Variants in HEXA observed in about 807,000 individuals in gnomAD.
The protein encoded by HEXA is beta-hexosaminidase subunit alpha.
Under a neutral mutation model 73.3 loss-of-function variants are expected in HEXA, and 54 were observed. The observed-to-expected ratio is 0.74, with a 90% CI of 0.59 to 0.92. HEXA has a LOEUF of 0.92. Ranked by LOEUF, HEXA falls within the 40% of genes least tolerant of loss-of-function variation. HEXA has a pLI of 0.00. For synonymous variants in HEXA, 230 were observed against 246.9 expected (o/e 0.93, Z 0.64); for missense variants, 649 against 653.0 (o/e 0.99, Z 0.07).
rs2088616185 is a variant in HEXA, at chr15:72,346,530, C to T, written c.1327G>A (p.Glu443Lys). ...AAGGAGAGCTCTCTGCTTTCACCTT[C>T]AAATGCCAGGGGTTCCACTATGTAG... Reference protein sequence around the residue: ...DFYIVEPLAFEGTPEQKALVI... With the variant: ...DFYIVEPLAFKGTPEQKALVI... Residue 443 changes from glutamate (E) to lysine (K), a missense_variant, in exon 11 of 14, where the codon GAA becomes AAA. Physicochemically the swap from Glu to Lys is moderately conservative, Grantham distance 56 (BLOSUM62 1). Coordinates refer to ENST00000268097, the MANE Select transcript of HEXA (RefSeq NM_000520.6). The T allele has an allele frequency of 6.2e-7, 1 of 1,613,784 alleles. No homozygotes were observed. Among genetic ancestry groups the T allele is most frequent in the Non-Finnish European group, 8.5e-7 (1 of 1,179,858 alleles).
rs2088689778 is a variant in HEXA, at chr15:72,351,160, G to A, written c.645C>T (p.Ser215=). The A allele has an allele frequency of 6.2e-7, 1 of 1,610,720 alleles. No homozygotes were observed. Among genetic ancestry groups the A allele is most frequent in the African/African-American group, 1.3e-5 (1 of 74,850 alleles). The change falls in exon 6 of 14, where the codon AGC becomes AGT. Residue 215 remains serine, a synonymous_variant. Transcript: ENST00000268097. ...LVDDPSFPYE[S]FTFPELMRKG... ...TTCTCATGAGCTCTGGAAAAGTGAAGCTCTCATATGGGAAGGAAGGATCAT... is the reference window on the plus strand; with the variant it reads ...TTCTCATGAGCTCTGGAAAAGTGAAACTCTCATATGGGAAGGAAGGATCAT...
intron 1 of HEXA, among the ~76,000 whole-genome samples, chr15:72,365,235 G>A (rs145073598): frequency 5.3e-4 from 80 of 152,216 alleles, no homozygotes; most frequent in Admixed American, 5.1e-3. Context: ...GACCACAGGC[G>A]CACGCCACCG....
chr15:72,345,879 A>G (rs565647073), intron 12 of HEXA: 392 of 522,028 alleles, frequency 7.5e-4, no homozygotes, highest in African/African-American at 6.8e-3. Flanking sequence ...ACACCCAACC[A>G]TACTTGGTAA....
intron 1 of HEXA, among the ~76,000 whole-genome samples, chr15:72,368,132 G>C (rs2088941730): frequency 6.6e-6 from 1 of 152,234 alleles, no homozygotes. Flanking sequence ...GAGGAAGGAA[G>C]AAATGCTACT....
At chr15:72,374,944 C>A (rs1227235393) in intron 1 of HEXA, among the ~76,000 whole-genome samples, 1 of 152,210 alleles carries the variant, frequency 6.6e-6, no homozygotes, top group East Asian at 1.9e-4. Context: ...TCAAGCCCTT[C>A]TTCCTGCCTG....
intron 3 of HEXA, chr15:72,353,982 T>C (rs926469063): frequency 1.9e-5 from 11 of 588,528 alleles, no homozygotes; most frequent in Admixed American, 5.9e-5. Flanking sequence ...CCTTACAACA[T>C]ACTAACCTTC....
At chr15:72,371,449 T>C (rs919298382) in intron 1 of HEXA, among the ~76,000 whole-genome samples, 2 of 151,792 alleles carry the variant, frequency 1.3e-5, no homozygotes, top group Non-Finnish European at 2.9e-5. Flanking sequence ...TCTACAAAAA[T>C]TAGCTATGCA....
At chr15:72,355,651 A>C (rs1157182247) in intron 2 of HEXA, 27 bp from the exon 3 acceptor site, 1 of 1,514,704 alleles carries the variant, frequency 6.6e-7, no homozygotes, top group South Asian at 1.1e-5. Context: ...GAACTCATTT[A>C]GTTGGTTAAG....
chr15:72,355,937 G>C (rs896655825), intron 2 of HEXA: 13 of 498,534 alleles, frequency 2.6e-5, no homozygotes, highest in Non-Finnish European at 5.1e-5. Context: ...ACAGCAGAAA[G>C]ATGAAAGAAG....
At chr15:72,345,190 A>G in intron 13 of HEXA, 1 of 530,724 alleles carries the variant, frequency 1.9e-6, no homozygotes, top group Non-Finnish European at 3.2e-6. Context: ...AAATGATCTT[A>G]GATTACTTAT....
chr15:72,342,521 A>T lies in HEXA; in HGVS notation c.*1556T>A, dbSNP rs551001001. 2 of 152,276 alleles carry T rather than the reference A, an allele frequency of 1.3e-5. No homozygotes were observed. The highest frequency in any genetic ancestry group is 3.9e-4 in the East Asian group (2 of 5,182). 9.4% of individuals were successfully genotyped at this position (152,276 alleles called of 1,614,324 possible). A position where few individuals can be genotyped will look rare whatever the true frequency, so the allele number is the denominator to read the frequency against. ...ACCGCCAAGGAAATCCTCACCTAAA[A>T]TGGCTGCGATGCATTACTGCCCCCG... On this transcript the variant is annotated 3_prime_UTR_variant, in exon 14 of 14. Transcript: ENST00000268097.
chr15:72,375,968 G>C lies in HEXA; in HGVS notation c.5C>G (p.Thr2Arg). 3.1e-6 allele frequency: 5 copies of C among 1,613,582 alleles called. No homozygotes were observed. Among genetic ancestry groups the C allele is most frequent in the Non-Finnish European group, 4.2e-6 (5 of 1,180,016 alleles). ...CAGCGAAAACCAAAGCCTGGAGCTTGTCATGGCCCGCTGGTCTCCCCTCTC... is the reference window on the plus strand; with the variant it reads ...CAGCGAAAACCAAAGCCTGGAGCTTCTCATGGCCCGCTGGTCTCCCCTCTC... M[T>R]SSRLWFSLLL... The change falls in exon 1 of 14, where the codon ACA becomes AGA. Residue 2 changes from threonine to arginine, a missense_variant. By Grantham distance (71) the Thr-to-Arg change is moderately conservative (BLOSUM62 -1). Transcript: ENST00000268097.
At position 72,349,171 on chromosome 15, in the gene HEXA, A is replaced by G. The variant is rs1381838212; in HGVS notation, c.894T>C (p.Tyr298=). The G allele has an allele frequency of 1.2e-6, 2 of 1,612,760 alleles. No homozygotes were observed. Among genetic ancestry groups the G allele is most frequent in the Non-Finnish European group, 1.7e-6 (2 of 1,178,724 alleles). Reference sequence around the variant, plus strand: ...CTAAGAAGAATGTGCTCATGAACTCATAGGTATTATTGAGACTGGGATTCA... The same window carrying G: ...CTAAGAAGAATGTGCTCATGAACTCGTAGGTATTATTGAGACTGGGATTCA... The part of the protein sequence containing the change: ...GPVNPSLNNT[Y]EFMSTFFLEV... The change falls in exon 8 of 14, where the codon TAT becomes TAC. Residue 298 remains tyrosine, a synonymous_variant. Transcript: ENST00000268097.
intron 1 of HEXA, among the ~76,000 whole-genome samples, chr15:72,372,108 A>G (rs997220106): frequency 8.5e-5 from 13 of 152,264 alleles, no homozygotes; most frequent in African/African-American, 3.1e-4. Flanking sequence ...TGAGGTGGGC[A>G]GATCACATGA....
intron 8 of HEXA, 129 bp from the exon 9 acceptor site, chr15:72,348,263 A>C: frequency 1.4e-6 from 1 of 727,496 alleles, no homozygotes; most frequent in Middle Eastern, 2.3e-4. Context: ...GGATCTCAGA[A>C]GCCCTACATG....
intron 1 of HEXA, among the ~76,000 whole-genome samples, chr15:72,369,754 A>G (rs777298791): frequency 1.8e-4 from 28 of 152,194 alleles, no homozygotes; most frequent in African/African-American, 6.3e-4. Flanking sequence ...TTCCCTCTAT[A>G]TAACAACAGG....
At chr15:72,348,945 C>T (rs533423173) in intron 8 of HEXA, 134 bp downstream of exon 8, 1 of 772,970 alleles carries the variant, frequency 1.3e-6, no homozygotes, top group South Asian at 1.4e-5. Context: ...CAGAGGAAGG[C>T]CTAAGACCTG....
intron 1 of HEXA, chr15:72,370,043 A>C (rs1444432388): frequency 6.6e-6 from 1 of 151,558 alleles, no homozygotes; most frequent in Non-Finnish European, 1.5e-5. Context: ...CTGAAAAAAC[A>C]TTCATAACTA....
chr15:72,361,090 A>C (rs143696028), intron 1 of HEXA, among the ~76,000 whole-genome samples: 17 of 152,308 alleles, frequency 1.1e-4, no homozygotes, highest in African/African-American at 3.8e-4. Flanking sequence ...CAATTCATTC[A>C]TTCATTCAAC....
Sources: gnomAD v4.1 joint callset for allele counts (sites outside exome capture counted in the v4.1 genomes callset) on GRCh38, gnomAD v4.1.1 for gene constraint, MANE v1.5 for transcripts, NCBI Gene and HGNC (gene_info 2026-07-23, HGNC 2026-07-21) for gene names.